Variants in GRIN2B observed in about 807,000 individuals in gnomAD.
The protein encoded by GRIN2B is glutamate ionotropic receptor NMDA type subunit 2B.
Under a neutral mutation model 114.5 loss-of-function variants are expected in GRIN2B, and 5 were observed. The observed-to-expected ratio is 0.04, with a 90% CI of 0.02 to 0.09. The LOEUF is 0.09. Among genes scored for constraint, GRIN2B ranks in the 10% least tolerant of loss-of-function variants. The pLI is 1.00. For missense variants in GRIN2B, 1,108 were observed against 1,943.5 expected (o/e 0.57, Z 8.08); for synonymous variants, 787 against 745.1 (o/e 1.06, Z -0.92).
intron 3 of GRIN2B, among the ~76,000 whole-genome samples, chr12:13,801,606 C>G (rs1864514854): frequency 6.6e-6 from 1 of 152,072 alleles, no homozygotes; most frequent in Non-Finnish European, 1.5e-5. Flanking sequence ...AGCAAGGACC[C>G]TTGATTGATA....
intron 4 of GRIN2B, among the ~76,000 whole-genome samples, chr12:13,687,983 C>T (rs1321789426): frequency 6.6e-6 from 1 of 152,154 alleles, no homozygotes; most frequent in African/African-American, 2.4e-5. Flanking sequence ...AACAATGTTA[C>T]CATTTATTGA....
chr12:13,970,676 G>A (rs1862895009), intron 2 of GRIN2B, among the ~76,000 whole-genome samples: 1 of 122,734 alleles, frequency 8.1e-6, no homozygotes, highest in African/African-American at 3.5e-5. Flanking sequence ...TCTTCTACAT[G>A]CAGGCTCTAA....
At chr12:13,893,200 C>G (rs1483171164) in intron 2 of GRIN2B, among the ~76,000 whole-genome samples, 1 of 152,110 alleles carries the variant, frequency 6.6e-6, no homozygotes, top group Non-Finnish European at 1.5e-5. Flanking sequence ...TAAACATGCT[C>G]TATTTCACCA....
intron 2 of GRIN2B, among the ~76,000 whole-genome samples, chr12:13,955,244 G>A (rs1234460169): frequency 2.0e-5 from 3 of 152,146 alleles, no homozygotes; most frequent in Non-Finnish European, 4.4e-5. Context: ...TATTTATTTA[G>A]ACCTAGCATT....
chr12:13,729,502 G>A (rs1051786262), intron 4 of GRIN2B, among the ~76,000 whole-genome samples: 2 of 152,102 alleles, frequency 1.3e-5, no homozygotes, highest in African/African-American at 2.4e-5. Context: ...TCTTGGAGGC[G>A]GGTGGAAGGA....
intron 4 of GRIN2B, among the ~76,000 whole-genome samples, chr12:13,735,356 C>T (rs1245268797): frequency 6.6e-6 from 1 of 152,302 alleles, no homozygotes; most frequent in Non-Finnish European, 1.5e-5. Context: ...TAGACATCAG[C>T]TTCCTGGAAG....
At chr12:13,638,666 GT>G (rs2136504549) in intron 5 of GRIN2B, among the ~76,000 whole-genome samples, 1 of 152,134 alleles carries the variant, frequency 6.6e-6, no homozygotes, top group East Asian at 1.9e-4. Flanking sequence ...TTTCAAAATG[GT>G]TCTGTCCTCA....
At chr12:13,677,895 T>A (rs749146857) in intron 4 of GRIN2B, among the ~76,000 whole-genome samples, 76 of 152,266 alleles carry the variant, frequency 5.0e-4, no homozygotes, top group Non-Finnish European at 7.9e-4. Flanking sequence ...AAAGACCTGT[T>A]AAACTCTTTT....
intron 4 of GRIN2B, among the ~76,000 whole-genome samples, chr12:13,686,599 C>A (rs1431503731): frequency 6.6e-6 from 1 of 151,998 alleles, no homozygotes; most frequent in Non-Finnish European, 1.5e-5. Flanking sequence ...ATTTTTCAAC[C>A]CCTATGAAAA....
At chr12:13,766,278 C>T (rs1863786799) in intron 3 of GRIN2B, among the ~76,000 whole-genome samples, 1 of 152,136 alleles carries the variant, frequency 6.6e-6, no homozygotes, top group South Asian at 2.1e-4. Context: ...CCTTAAATGC[C>T]ATCATGAAGT....
In GRIN2B at chr12:13,563,691, T is replaced by C; in HGVS notation, c.3547A>G (p.Thr1183Ala). The C allele has an allele frequency of 6.2e-7, 1 of 1,613,584 alleles. No individual in the cohort carries two copies. The highest frequency in any genetic ancestry group is 8.5e-7 in the Non-Finnish European group (1 of 1,179,978). ...CTNRSHIKHG[T>A]GDKHGVVSGV... ...CTGACCACGCCGTGTTTGTCGCCCG[T>C]CCCGTGCTTGATGTGAGACCTGTTG... is the stretch of plus-strand genomic sequence containing the variant. Residue 1183 changes from threonine to alanine, a missense_variant, in exon 14 of 14, where the codon ACG (threonine) becomes GCG (alanine). Physicochemically the swap from Thr to Ala is moderately conservative, Grantham distance 58. Transcript: ENST00000609686.
rs1310149026 is a variant in GRIN2B, at chr12:13,545,563, C to A, written c.*17220G>T. The A allele has an allele frequency of 2.0e-5, 3 of 152,166 alleles. No homozygotes were observed. Among genetic ancestry groups the A allele is most frequent in the African/African-American group, 7.2e-5 (3 of 41,428 alleles). 9.4% of individuals were successfully genotyped at this position (152,166 alleles called of 1,614,324 possible). On this transcript the variant is annotated 3_prime_UTR_variant, in exon 14 of 14. Transcript: ENST00000609686. ...AAACAATGCAAGCAAGGAAACAACT[C>A]CTCCCCCAAAACCTGGATATTTATT... is the stretch of plus-strand genomic sequence containing the variant.
At chr12:13,656,363 G>A (rs968778172) in intron 5 of GRIN2B, among the ~76,000 whole-genome samples, 2 of 152,164 alleles carry the variant, frequency 1.3e-5, no homozygotes, top group African/African-American at 4.8e-5. Flanking sequence ...TTTGCAGTGG[G>A]GTAGGGAACA....
intron 3 of GRIN2B, among the ~76,000 whole-genome samples, chr12:13,823,960 C>A (rs993567507): frequency 1.3e-5 from 2 of 152,070 alleles, no homozygotes; most frequent in Admixed American, 6.5e-5. Flanking sequence ...AAATGTTAAA[C>A]CAACACAGTG....
At chr12:13,945,796 T>C (rs988756415) in intron 2 of GRIN2B, among the ~76,000 whole-genome samples, 1 of 152,226 alleles carries the variant, frequency 6.6e-6, no homozygotes, top group Non-Finnish European at 1.5e-5. Flanking sequence ...ACCTGATTGA[T>C]TTCAGAGGCA....
chr12:13,572,054 A>G, intron 10 of GRIN2B, 90 bp from the exon 11 acceptor site: 1 of 1,042,370 alleles, frequency 9.6e-7, no homozygotes. Context: ...AGAGACATTA[A>G]GTAAGTTAGC....
chr12:13,682,990 C>G (rs1950145497), intron 4 of GRIN2B, among the ~76,000 whole-genome samples: 1 of 152,150 alleles, frequency 6.6e-6, no homozygotes, highest in Admixed American at 6.5e-5. Context: ...AAGATGCTGT[C>G]TTTGGCCAAT....
intron 3 of GRIN2B, among the ~76,000 whole-genome samples, chr12:13,794,038 C>CAAAA (rs59335663): frequency 7.6e-5 from 6 of 79,198 alleles, no homozygotes; most frequent in African/African-American, 1.1e-4. Context: ...CCCATCTCTA[C>CAAAA]AAAAAAAAAA....
At chr12:13,822,185 C>T (rs552255667) in intron 3 of GRIN2B, among the ~76,000 whole-genome samples, 2 of 152,070 alleles carry the variant, frequency 1.3e-5, no homozygotes, top group South Asian at 2.1e-4. Flanking sequence ...GGAGACAATA[C>T]CTCTAGGAAA....
Sources: allele counts gnomAD v4.1 joint callset (sites outside exome capture counted in the v4.1 genomes callset), GRCh38; gene constraint gnomAD v4.1.1; transcripts MANE v1.5; gene names NCBI Gene and HGNC (gene_info 2026-07-23, HGNC 2026-07-21).